The following CD55 variants were observed in gnomAD, a reference collection of about 807,000 sequenced individuals.
CD55 encodes CD55 molecule (Cromer blood group).
Under a neutral mutation model 45.8 loss-of-function variants are expected in CD55, and 41 were observed. That is an observed-to-expected ratio of 0.90 (90% CI 0.70 to 1.16). The LOEUF (loss-of-function observed/expected upper bound fraction) is 1.16, where lower values mean the gene tolerates loss of function less well. Among genes scored for constraint, CD55 ranks in the 50% most tolerant of loss-of-function variants. The probability of loss-of-function intolerance (pLI) is 0.00; values close to 1 mark genes in which losing one functional copy is unlikely to be tolerated. For synonymous variants in CD55, 181 were observed against 181.1 expected, an observed-to-expected ratio of 1.00 and a Z score of 0.01; for missense variants, 416 against 469.8, an observed-to-expected ratio of 0.89 and a Z score of 1.06.
At chr1:207,335,623 TTAA>T (rs1005695913) in intron 6 of CD55, among the ~76,000 whole-genome samples, 4 of 152,162 alleles carry the variant, frequency 2.6e-5, no homozygotes, top group African/African-American at 9.7e-5. Context: ...TTTACTTATC[TTAA>T]TAATGATTAT....
chr1:207,343,698 C>T (rs1334696982), intron 9 of CD55, among the ~76,000 whole-genome samples: 1 of 152,112 alleles, frequency 6.6e-6, no homozygotes, highest in African/African-American at 2.4e-5. Context: ...GTCTAATGTG[C>T]AATTTAAATC....
Position 207,336,719 on chromosome 1 carries a change from C to G in CD55, c.880C>G (p.Pro294Ala). 1 of 1,613,864 alleles carries G rather than the reference C, an allele frequency of 6.2e-7. No homozygotes were observed. The highest frequency in any genetic ancestry group is 8.5e-7 in the Non-Finnish European group (1 of 1,179,836). ...RGKSLTSKVP[P>A]TVQKPTTVNV... ...AAAATCTCTAACTTCCAAGGTCCCA[C>G]CAACAGTTCAGAAACCTACCACAGT... Residue 294 changes from proline to alanine, a missense_variant, in exon 7 of 10, where the codon CCA (proline) becomes GCA (alanine). Physicochemically the swap from Pro to Ala is conservative, Grantham distance 27. Coordinates refer to ENST00000367064, the MANE Select transcript of CD55 (RefSeq NM_000574.5).
chr1:207,335,443 G>A (rs1655127462), intron 6 of CD55, among the ~76,000 whole-genome samples: 1 of 152,140 alleles, frequency 6.6e-6, no homozygotes, highest in Non-Finnish European at 1.5e-5. Flanking sequence ...AATTAAACTA[G>A]ATGTCAGTAA....
At chr1:207,354,388 T>C (rs1322523437) in intron 9 of CD55, 1 of 290,142 alleles carries the variant, frequency 3.4e-6, no homozygotes, top group Non-Finnish European at 5.1e-6. Flanking sequence ...CCATGTACTG[T>C]GTTAATAATG....
rs757303688 is a variant in CD55 at position 207,322,452 on chromosome 1, G to C, written c.171G>C (p.Glu57Asp). 31 of 1,614,080 alleles carry C rather than the reference G, an allele frequency of 1.9e-5. No homozygotes were observed. Among genetic ancestry groups the C allele is most frequent in the Non-Finnish European group, 2.5e-5 (30 of 1,180,032 alleles). The change falls in exon 2 of 10, where the codon GAG becomes GAC. Residue 57 changes from glutamate to aspartate, a missense_variant. By Grantham distance (45) the Glu-to-Asp change is conservative. Transcript: ENST00000367064. ...PALEGRTSFP[E>D]DTVITYKCEE... ...TGGAAGGCCGTACAAGTTTTCCCGAGGATACTGTAATAACGTACAAATGTG... is the reference window on the plus strand; with the variant it reads ...TGGAAGGCCGTACAAGTTTTCCCGACGATACTGTAATAACGTACAAATGTG...
intron 6 of CD55, among the ~76,000 whole-genome samples, chr1:207,331,732 A>G (rs1050360464): frequency 1.3e-5 from 2 of 152,212 alleles, no homozygotes; most frequent in Admixed American, 6.5e-5. Flanking sequence ...CTGAATTAAC[A>G]TTCAATTCTT....
At chr1:207,329,615 TC>T (rs1654850003) in intron 5 of CD55, among the ~76,000 whole-genome samples, 1 of 152,036 alleles carries the variant, frequency 6.6e-6, no homozygotes, top group African/African-American at 2.4e-5. Context: ...CTCTTTTTTT[TC>T]TTTTTTTTAA....
In CD55 at chr1:207,354,162, G is replaced by A. The variant is rs1017694150; in HGVS notation, c.1082-5384G>A. ...TGAAGATGATACCCTATATATTAAT[G>A]TAGTATCTGTCTAATGTAAATTTTG... On this transcript the variant is annotated intron_variant, in intron 9 of 9. Transcript: ENST00000367064. 3 of 1,435,270 alleles carry A rather than the reference G, an allele frequency of 2.1e-6. No individual in the cohort carries two copies. The Admixed American group carries it at 6.9e-5, about 33-fold the overall frequency. 88.9% of individuals were successfully genotyped at this position (1,435,270 alleles called of 1,614,324 possible).
intron 6 of CD55, among the ~76,000 whole-genome samples, chr1:207,332,322 C>T (rs1412392072): frequency 1.3e-5 from 2 of 152,020 alleles, no homozygotes; most frequent in Non-Finnish European, 2.9e-5. Context: ...ACTATTATTA[C>T]AAATGATGCT....
At chr1:207,344,274 A>G (rs1655542648) in intron 9 of CD55, among the ~76,000 whole-genome samples, 2 of 152,106 alleles carry the variant, frequency 1.3e-5, no homozygotes, top group African/African-American at 2.4e-5. Context: ...CTTTCATAAC[A>G]TTTTAGTCTT....
At chr1:207,325,823 G>A in intron 4 of CD55, 102 bp downstream of exon 4, 1 of 638,310 alleles carries the variant, frequency 1.6e-6, no homozygotes, top group Non-Finnish European at 2.8e-6. Flanking sequence ...ACAGCTAGTA[G>A]CAATTAAAAC....
chr1:207,351,758 C>T (rs187335173), intron 9 of CD55, among the ~76,000 whole-genome samples: 157 of 152,256 alleles, frequency 1.0e-3, no homozygotes, highest in Admixed American at 2.3e-3. Flanking sequence ...CTCACCTGCT[C>T]AATGGCACTC....
intron 9 of CD55, chr1:207,347,027 T>G: frequency 2.2e-6 from 1 of 448,340 alleles, no homozygotes; most frequent in South Asian, 1.6e-5. Context: ...CTGCCTTGCT[T>G]CTGTCTCCTT....
chr1:207,337,113 CAAA>C (rs1655213031), intron 7 of CD55: 1 of 605,154 alleles, frequency 1.7e-6, no homozygotes, highest in African/African-American at 1.9e-5. Flanking sequence ...TCTTTCATAT[CAAA>C]AACCCTATCT....
chr1:207,322,313 T>C, intron 1 of CD55, 69 bp from the exon 2 acceptor site: 1 of 1,290,384 alleles, frequency 7.7e-7, no homozygotes, highest in Non-Finnish European at 1.1e-6. Flanking sequence ...AGGGGGCTTG[T>C]GTCTTGAAAA....
intron 9 of CD55, among the ~76,000 whole-genome samples, chr1:207,344,456 T>G (rs1655550985): frequency 6.6e-6 from 1 of 152,192 alleles, no homozygotes; most frequent in South Asian, 2.1e-4. Flanking sequence ...AGCTTTCTTT[T>G]GTCTGGGAAA....
chr1:207,331,391 G>A, intron 6 of CD55, 95 bp downstream of exon 6: 2 of 996,992 alleles, frequency 2.0e-6, no homozygotes, highest in East Asian at 2.5e-5. Flanking sequence ...AGAAAAAAAT[G>A]TAAAATGTTT....
At chr1:207,350,683 G>A (rs928052655) in intron 9 of CD55, among the ~76,000 whole-genome samples, 1 of 152,110 alleles carries the variant, frequency 6.6e-6, no homozygotes, top group African/African-American at 2.4e-5. Context: ...TTGTATTTCT[G>A]TGGGGTTGGT....
chr1:207,326,724 A>T, intron 4 of CD55, 28 bp from the exon 5 acceptor site: 1 of 1,551,628 alleles, frequency 6.4e-7, no homozygotes, highest in South Asian at 1.1e-5. Context: ...AATGTAACAA[A>T]CTCTTTTTTC....
Sources: gnomAD v4.1 joint callset for allele counts (sites outside exome capture counted in the v4.1 genomes callset) on GRCh38, gnomAD v4.1.1 for gene constraint, MANE v1.5 for transcripts, NCBI Gene and HGNC (gene_info 2026-07-23, HGNC 2026-07-21) for gene names.